The following PTPRN2 variants were observed in gnomAD, a reference collection of about 807,000 sequenced individuals.
The protein encoded by PTPRN2 is protein tyrosine phosphatase receptor type N2, also known as receptor-type tyrosine-protein phosphatase N2.
A neutral mutation model predicts 118.8 loss-of-function variants in PTPRN2; 74 were observed. That is an observed-to-expected ratio of 0.62 (90% confidence interval 0.52 to 0.76). The LOEUF is 0.76. Among genes scored for constraint, PTPRN2 ranks in the 30% least tolerant of loss-of-function variants. The pLI is 0.00. For missense variants in PTPRN2, 1,481 were observed against 1,394.4 expected (o/e 1.06, Z -0.99); for synonymous variants, 641 against 608.0 (o/e 1.05, Z -0.80).
intron 12 of PTPRN2, among the ~76,000 whole-genome samples, chr7:157,750,497 G>T (rs1232533011): frequency 6.6e-6 from 1 of 152,236 alleles, no homozygotes; most frequent in Admixed American, 6.5e-5. Context: ...GAGGCAGGAA[G>T]TGGCAGGTAA....
intron 3 of PTPRN2, among the ~76,000 whole-genome samples, chr7:158,252,687 T>G (rs796905895): frequency 6.6e-6 from 1 of 152,130 alleles, no homozygotes; most frequent in African/African-American, 2.4e-5. Context: ...ACCCCAGTGC[T>G]GAAGCCCAAG....
At position 158,170,148 on chromosome 7, in the gene PTPRN2, G is replaced by A. The variant is rs529207445; in HGVS notation, c.550-2857C>T. ...AGCAAGAGCGTGAGAAAGAGCGAGAGCGAGCGAGCGAGAGACAGTGAATGC... is the reference window on the plus strand; with the variant it reads ...AGCAAGAGCGTGAGAAAGAGCGAGAACGAGCGAGCGAGAGACAGTGAATGC... On this transcript the variant is annotated intron_variant, in intron 5 of 22. Coordinates refer to ENST00000389418, the MANE Select transcript of PTPRN2 (RefSeq NM_002847.5). 3.9e-5 allele frequency among the ~76,000 whole-genome samples: 6 copies of A among 152,310 alleles called. No individual in the cohort carries two copies. The South Asian group carries it at 1.0e-3, about 26-fold the overall frequency.
At chr7:158,149,195 AAGTGCACGAGTGT>A (rs1820620550) in intron 6 of PTPRN2, among the ~76,000 whole-genome samples, 1 of 151,798 alleles carries the variant, frequency 6.6e-6, no homozygotes, top group Non-Finnish European at 1.5e-5. Context: ...TTTCCTCCTC[AAGTGCACGAGTGT>A]CTGGGCTGAC....
At chr7:158,308,087 C>G (rs185778795) in intron 3 of PTPRN2, among the ~76,000 whole-genome samples, 2,203 of 152,174 alleles carry the variant, frequency 0.014, 56 homozygotes, top group African/African-American at 0.05. Context: ...TATAAATTAC[C>G]CAGTTTCAGA....
At chr7:157,875,740 C>T (rs957419460) in intron 12 of PTPRN2, among the ~76,000 whole-genome samples, 6 of 151,412 alleles carry the variant, frequency 4.0e-5, no homozygotes, top group Middle Eastern at 3.5e-3. Context: ...CAGGGGGGCA[C>T]GGGGCTGCAG....
chr7:158,155,553 C>CAT (rs1821665497), intron 6 of PTPRN2, among the ~76,000 whole-genome samples: 2 of 56,436 alleles, frequency 3.5e-5, no homozygotes, highest in African/African-American at 1.1e-4. Flanking sequence ...ACCATCAACA[C>CAT]CATCATCATC....
chr7:157,720,513 C>T (rs1182596080), intron 12 of PTPRN2, among the ~76,000 whole-genome samples: 2 of 152,238 alleles, frequency 1.3e-5, no homozygotes, highest in African/African-American at 2.4e-5. Flanking sequence ...ATCCAGCGGC[C>T]GACCCTGCTT....
At chr7:158,170,184 A>T (rs541343766) in intron 5 of PTPRN2, among the ~76,000 whole-genome samples, 1 of 152,146 alleles carries the variant, frequency 6.6e-6, no homozygotes, top group Admixed American at 6.5e-5. Context: ...CACCACAACA[A>T]ACAGCCCCTC....
At chr7:157,907,671 G>A (rs1412974314) in intron 11 of PTPRN2, among the ~76,000 whole-genome samples, 2 of 149,514 alleles carry the variant, frequency 1.3e-5, no homozygotes. Flanking sequence ...TGTCCTGGGG[G>A]TGGCAGTATC....
chr7:157,698,225 A>G (rs1007467581), intron 12 of PTPRN2, among the ~76,000 whole-genome samples: 5 of 152,246 alleles, frequency 3.3e-5, no homozygotes, highest in Non-Finnish European at 7.3e-5. Context: ...ATTTTTTCAA[A>G]TTATTTCACT....
chr7:157,962,988 G>T lies in PTPRN2; in HGVS notation c.1724-64251C>A, dbSNP rs139809650. On this transcript the variant is annotated intron_variant, in intron 11 of 22. Transcript: ENST00000389418. ...CATTGATACTGTCCTATCTATGAACGGGGTTTTCCTGTCTTTAAATGGGGT... is the reference window on the plus strand; with the variant it reads ...CATTGATACTGTCCTATCTATGAACTGGGTTTTCCTGTCTTTAAATGGGGT... 4.0e-3 allele frequency among the ~76,000 whole-genome samples: 610 copies of T among 152,310 alleles called. 5 individuals carry two copies. Among genetic ancestry groups the T allele is most frequent in the African/African-American group, 0.014 (574 of 41,568 alleles).
chr7:157,577,193 G>A (rs221302), intron 18 of PTPRN2, among the ~76,000 whole-genome samples: 78,989 of 152,076 alleles, frequency 0.52, 21,009 homozygotes, highest in East Asian at 0.8. Flanking sequence ...GTGAGACTCC[G>A]TCGCAGCTGC....
At chr7:157,904,352 G>A (rs1457668415) in intron 11 of PTPRN2, among the ~76,000 whole-genome samples, 1 of 152,182 alleles carries the variant, frequency 6.6e-6, no homozygotes, top group Non-Finnish European at 1.5e-5. Context: ...GCTTCTCAGA[G>A]CCCATATGCT....
chr7:158,138,177 C>T (rs1819013470), intron 7 of PTPRN2, 117 bp downstream of exon 7: 1 of 859,454 alleles, frequency 1.2e-6, no homozygotes, highest in Admixed American at 2.8e-5. Flanking sequence ...TACAGATCCC[C>T]ATCTCCCCAG....
chr7:158,009,139 A>AC (rs932173537), intron 11 of PTPRN2, among the ~76,000 whole-genome samples: 5 of 150,652 alleles, frequency 3.3e-5, no homozygotes, highest in African/African-American at 1.2e-4. Context: ...CCCGTGACCG[A>AC]CCCCCTCAGT....
chr7:158,060,455 C>T (rs895495984), intron 11 of PTPRN2, among the ~76,000 whole-genome samples: 7 of 152,226 alleles, frequency 4.6e-5, no homozygotes, highest in Admixed American at 2.0e-4. Context: ...GGCACCTCTC[C>T]GTCTCTGTCT....
At chr7:157,781,730 T>C (rs1037498836) in intron 12 of PTPRN2, among the ~76,000 whole-genome samples, 1 of 152,232 alleles carries the variant, frequency 6.6e-6, no homozygotes, top group Non-Finnish European at 1.5e-5. Flanking sequence ...TCTGCATCTT[T>C]ATCAAGTCAT....
In PTPRN2 at chr7:158,466,578, A is replaced by G. The variant is rs549990430; in HGVS notation, c.163+23157T>C. On this transcript the variant is annotated intron_variant, in intron 2 of 22. Coordinates refer to ENST00000389418, the MANE Select transcript of PTPRN2 (RefSeq NM_002847.5). ...CAATTGCTCTATCCATTCATCCATC[A>G]GAAACACCTGTACTGTCTCCATGCC... 5.3e-5 allele frequency among the ~76,000 whole-genome samples: 8 copies of G among 152,346 alleles called. No homozygotes were observed. The East Asian group carries it at 1.5e-3, about 29-fold the overall frequency.
chr7:158,019,430 A>T (rs1193306315), intron 11 of PTPRN2, among the ~76,000 whole-genome samples: 1 of 152,244 alleles, frequency 6.6e-6, no homozygotes, highest in Non-Finnish European at 1.5e-5. Context: ...GGCTACAAGG[A>T]CGTGAGCTGG....
Sources: gnomAD v4.1 joint callset for allele counts (sites outside exome capture counted in the v4.1 genomes callset) on GRCh38, gnomAD v4.1.1 for gene constraint, MANE v1.5 for transcripts, NCBI Gene and HGNC (gene_info 2026-07-23, HGNC 2026-07-21) for gene names.